Variants in ITGAV observed in about 807,000 individuals in gnomAD.
ITGAV encodes the protein integrin subunit alpha V.
A neutral mutation model predicts 143.8 loss-of-function variants in ITGAV; 76 were observed. The ratio of observed to expected loss-of-function variants is 0.53; its 90% confidence interval spans 0.44 to 0.64. The LOEUF (loss-of-function observed/expected upper bound fraction) is 0.64, where lower values mean the gene tolerates loss of function less well. Among genes scored for constraint, ITGAV ranks in the 30% least tolerant of loss-of-function variants. The pLI is 0.00. For synonymous variants in ITGAV, 453 were observed against 446.7 expected, an observed-to-expected ratio of 1.01 and a Z score of -0.18; for missense variants, 1,193 against 1,274.7, an observed-to-expected ratio of 0.94 and a Z score of 0.98.
chr2:186,597,136 G>C (rs550309665), intron 1 of ITGAV, among the ~76,000 whole-genome samples: 123 of 152,240 alleles, frequency 8.1e-4, no homozygotes, highest in African/African-American at 2.8e-3. Flanking sequence ...GCTTGTTCCT[G>C]GTATTATTCA....
intron 3 of ITGAV, among the ~76,000 whole-genome samples, chr2:186,625,028 C>A (rs1299681269): frequency 6.6e-6 from 1 of 151,722 alleles, no homozygotes; most frequent in Non-Finnish European, 1.5e-5. Context: ...CTTTATTTAC[C>A]ACTATGATAA....
chr2:186,674,871 G>A (rs1308419836), intron 26 of ITGAV, among the ~76,000 whole-genome samples: 1 of 152,142 alleles, frequency 6.6e-6, no homozygotes, highest in East Asian at 1.9e-4. Context: ...GAGTAGAAAT[G>A]GCTTGATTGC....
rs548549272 is a variant in ITGAV at position 186,679,379 on chromosome 2, T to C, written c.*2087T>C. 3 of 152,104 alleles carry C rather than the reference T, an allele frequency of 2.0e-5. No individual in the cohort carries two copies. Among genetic ancestry groups the C allele is most frequent in the Non-Finnish European group, 2.9e-5 (2 of 67,860 alleles). 9.4% of individuals were successfully genotyped at this position (152,104 alleles called of 1,614,324 possible). A position where few individuals can be genotyped will look rare whatever the true frequency, so the allele number is the denominator to read the frequency against. ...AACATGATATCTTAAATTACCTTTA[T>C]GAAATATAGTTTTGTATAATAGCAT... On this transcript the variant is annotated 3_prime_UTR_variant, in exon 30 of 30. Transcript: ENST00000261023.
intron 24 of ITGAV, chr2:186,668,104 C>A (rs1214918671): frequency 7.1e-6 from 1 of 140,480 alleles, no homozygotes; most frequent in African/African-American, 2.7e-5. Flanking sequence ...ATAATCAAAA[C>A]TATTTCTATA....
chr2:186,676,224 T>G, intron 28 of ITGAV: 1 of 247,168 alleles, frequency 4.0e-6, no homozygotes, highest in Non-Finnish European at 7.6e-6. Context: ...AGTTGGAAAT[T>G]AACTGCAACA....
At position 186,658,989 on chromosome 2, in the gene ITGAV, G is replaced by A. The variant is rs370076624; in HGVS notation, c.1720-49G>A. On this transcript the variant is annotated intron_variant, in intron 17 of 29. Transcript: ENST00000261023. ...TAATGTGCACTTATGGATTTCTCCA[G>A]ATAATTTAGGTTGACGTTATCATTA... The A allele has an allele frequency of 1.2e-5, 18 of 1,481,088 alleles. No individual in the cohort carries two copies. The African/African-American group carries it at 2.2e-4, about 18-fold the overall frequency. 91.7% of individuals were successfully genotyped at this position (1,481,088 alleles called of 1,614,324 possible). A position where few individuals can be genotyped will look rare whatever the true frequency, so the allele number is the denominator to read the frequency against.
Position 186,647,080 on chromosome 2 carries a change from G to A in ITGAV, c.1351+203G>A, listed in dbSNP as rs61762237. ...CAGCTCTCTTTCCTGGGAGTGTACA[G>A]TGTACTCTGAGTTTCTCCTGTAGTC... On this transcript the variant is annotated intron_variant, in intron 13 of 29. Transcript: ENST00000261023. Among the ~76,000 whole-genome samples, 1,177 of 152,330 alleles carry A rather than the reference G, an allele frequency of 7.7e-3. 15 individuals are homozygous for A. The highest frequency in any genetic ancestry group is 0.027 in the African/African-American group (1,121 of 41,562).
At chr2:186,606,525 C>T (rs928756092) in intron 2 of ITGAV, among the ~76,000 whole-genome samples, 2 of 152,076 alleles carry the variant, frequency 1.3e-5, no homozygotes, top group South Asian at 2.1e-4. Context: ...TGTTTCATGT[C>T]GCTATTCCTC....
chr2:186,591,238 A>T (rs1006520209), intron 1 of ITGAV, among the ~76,000 whole-genome samples: 6 of 152,318 alleles, frequency 3.9e-5, no homozygotes, highest in African/African-American at 1.4e-4. Flanking sequence ...AGGTCATTTG[A>T]ATACTGCAGT....
chr2:186,612,168 A>T (rs2105670267), intron 2 of ITGAV, among the ~76,000 whole-genome samples: 1 of 152,262 alleles, frequency 6.6e-6, no homozygotes, highest in African/African-American at 2.4e-5. Context: ...CATTTGAGAA[A>T]ATCCTCTTCT....
intron 2 of ITGAV, among the ~76,000 whole-genome samples, chr2:186,616,273 ATTTTT>A (rs35938539): frequency 1.3e-5 from 1 of 79,692 alleles, no homozygotes; most frequent in Non-Finnish European, 2.4e-5. Flanking sequence ...GATATACCTT[ATTTTT>A]TTTTTTTTTT....
intron 21 of ITGAV, among the ~76,000 whole-genome samples, 171 bp downstream of exon 21, chr2:186,665,389 C>G (rs2595392): frequency 0.082 from 12,446 of 152,166 alleles, 562 homozygotes; most frequent in South Asian, 0.12. Context: ...AACTAAGATA[C>G]GAAAACAATT....
chr2:186,598,280 C>A (rs1024473782), intron 1 of ITGAV, among the ~76,000 whole-genome samples: 1 of 125,886 alleles, frequency 7.9e-6, no homozygotes, highest in Non-Finnish European at 1.6e-5. Context: ...AATAAATTTA[C>A]ATATTATAAT....
At chr2:186,646,400 T>A (rs1382286785) in intron 12 of ITGAV, among the ~76,000 whole-genome samples, 1 of 152,190 alleles carries the variant, frequency 6.6e-6, no homozygotes, top group African/African-American at 2.4e-5. Context: ...CCAGATTATC[T>A]GGCCCTAAAT....
intron 2 of ITGAV, among the ~76,000 whole-genome samples, chr2:186,610,901 T>G (rs547999108): frequency 1.3e-5 from 2 of 152,200 alleles, no homozygotes; most frequent in African/African-American, 2.4e-5. Flanking sequence ...ATGTAGTCTG[T>G]TATCTGTTTT....
chr2:186,641,913 C>T (rs566882165), intron 12 of ITGAV, among the ~76,000 whole-genome samples: 3 of 152,266 alleles, frequency 2.0e-5, no homozygotes, highest in African/African-American at 7.2e-5. Context: ...TGCTTAGCAG[C>T]AGTGCCCTCT....
chr2:186,659,813 G>A (rs1325312401), intron 18 of ITGAV, among the ~76,000 whole-genome samples: 1 of 146,976 alleles, frequency 6.8e-6, no homozygotes, highest in African/African-American at 2.5e-5. Flanking sequence ...CTGTATATGT[G>A]ACAGTAGCAA....
At chr2:186,600,383 T>G in intron 1 of ITGAV, 1 of 1,535,680 alleles carries the variant, frequency 6.5e-7, no homozygotes, top group Non-Finnish European at 8.8e-7. Flanking sequence ...AATGTTGTGG[T>G]GAGTTCCTTA....
intron 11 of ITGAV, 103 bp from the exon 12 acceptor site, chr2:186,641,283 T>G: frequency 2.4e-6 from 2 of 837,382 alleles, no homozygotes; most frequent in Non-Finnish European, 3.9e-6. Context: ...ACTGTGGGTG[T>G]GAGAGATGCA....
Sources: allele counts gnomAD v4.1 joint callset (sites outside exome capture counted in the v4.1 genomes callset), GRCh38; gene constraint gnomAD v4.1.1; transcripts MANE v1.5; gene names NCBI Gene and HGNC (gene_info 2026-07-23, HGNC 2026-07-21).